Variants in PCDH7 observed in about 807,000 individuals in gnomAD.
PCDH7 encodes protocadherin 7.
In PCDH7, 17 loss-of-function variants were observed where a neutral mutation model predicts 58.9. The observed-to-expected ratio is 0.29, with a 90% CI of 0.20 to 0.43. The LOEUF is 0.43. Among genes scored for constraint, PCDH7 ranks in the 20% least tolerant of loss-of-function variants. The pLI, the probability that PCDH7 is intolerant of heterozygous loss-of-function variation, is 1.00. For synonymous variants in PCDH7, 664 were observed against 616.4 expected, an observed-to-expected ratio of 1.08 and a Z score of -1.14; for missense variants, 1,274 against 1,441.0, an observed-to-expected ratio of 0.88 and a Z score of 1.88.
chr4:30,845,541 G>T (rs983949990), intron 1 of PCDH7, among the ~76,000 whole-genome samples: 4 of 152,084 alleles, frequency 2.6e-5, no homozygotes, highest in Non-Finnish European at 4.4e-5. Context: ...TTTTAAGTTG[G>T]TGTAAATTTG....
At position 30,721,380 on chromosome 4, in the gene PCDH7, G is replaced by A; in HGVS notation, c.-43G>A. On this transcript the variant is annotated 5_prime_UTR_variant, in exon 1 of 2. Transcript: ENST00000361762. The surrounding 1 kb of genome is among the most constrained non-coding windows in gnomAD (Gnocchi z 6.7). The stretch of plus-strand genomic sequence containing the variant: ...GCCCCGGAGGAGGGGGGCGCCGAGG[G>A]GGCTGTGGTTAGAAGGAGCAGTAGC... 5 of 1,437,910 alleles carry A rather than the reference G, an allele frequency of 3.5e-6. No individual in the cohort carries two copies. The South Asian group carries it at 5.9e-5, about 17-fold the overall frequency. 89.1% of individuals were successfully genotyped at this position (1,437,910 alleles called of 1,614,324 possible). A position where few individuals can be genotyped will look rare whatever the true frequency, so the allele number is the denominator to read the frequency against.
chr4:30,979,068 A>G (rs1750320319), intron 3 of PCDH7, among the ~76,000 whole-genome samples: 1 of 151,948 alleles, frequency 6.6e-6, no homozygotes, highest in East Asian at 1.9e-4. Context: ...TGAATGAGTG[A>G]TCCTTAAAAA....
At chr4:30,893,849 A>T (rs778380652) in intron 1 of PCDH7, among the ~76,000 whole-genome samples, 1 of 152,124 alleles carries the variant, frequency 6.6e-6, no homozygotes, top group African/African-American at 2.4e-5. Context: ...ACAGGCCTGC[A>T]TGTATCATCT....
chr4:30,863,640 C>A (rs1224473717), intron 1 of PCDH7, among the ~76,000 whole-genome samples: 1 of 152,102 alleles, frequency 6.6e-6, no homozygotes, highest in Non-Finnish European at 1.5e-5. Context: ...AGAGGAAAGA[C>A]TCTCAAATGT....
chr4:30,728,759 A>C (rs567125674), intron 1 of PCDH7, among the ~76,000 whole-genome samples: 1 of 151,718 alleles, frequency 6.6e-6, no homozygotes, highest in African/African-American at 2.4e-5. Flanking sequence ...CATCTAGTAC[A>C]ATAAATATGG....
exon 2 of PCDH7, chr4:30,920,169 C>T (rs748162003): frequency 7.3e-6 from 10 of 1,367,436 alleles, no homozygotes; most frequent in Admixed American, 1.9e-5. Context: ...CGTAGAGTGA[C>T]GTTTTCTGTT....
At chr4:31,050,187 C>T (rs180849592) in intron 3 of PCDH7, among the ~76,000 whole-genome samples, 80 of 152,168 alleles carry the variant, frequency 5.3e-4, no homozygotes, top group African/African-American at 1.6e-3. Flanking sequence ...AGAAGAGTAC[C>T]CTCAGGCAGG....
chr4:31,049,411 G>T (rs184470681), intron 3 of PCDH7, among the ~76,000 whole-genome samples: 21 of 152,222 alleles, frequency 1.4e-4, no homozygotes, highest in African/African-American at 3.4e-4. Context: ...CTAGTTAGGA[G>T]AAACCAGGCA....
At position 30,853,742 on chromosome 4, in the gene PCDH7, A is replaced by G. The variant is rs901375284; in HGVS notation, c.71-66411A>G. Among the ~76,000 whole-genome samples, 6 of 152,194 alleles carry G rather than the reference A, an allele frequency of 3.9e-5. No homozygotes were observed. The East Asian group carries it at 5.8e-4, about 15-fold the overall frequency. ...AAATGATGATATATTTTGCTCTTCT[A>G]TTAGCATCCCTTTTTTTTCTGCTTA... On this transcript the variant is annotated intron_variant, in intron 1 of 3. Coordinates refer to the PCDH7 transcript ENST00000509759.
intron 1 of PCDH7, among the ~76,000 whole-genome samples, chr4:30,831,869 T>G (rs923071818): frequency 1.3e-5 from 2 of 152,172 alleles, no homozygotes; most frequent in Non-Finnish European, 2.9e-5. Flanking sequence ...CAAGTTTTTT[T>G]TCCTATGATG....
At chr4:31,014,875 A>AAGTT (rs1753485652) in intron 3 of PCDH7, among the ~76,000 whole-genome samples, 1 of 152,058 alleles carries the variant, frequency 6.6e-6, no homozygotes. Flanking sequence ...ATTTACCCCT[A>AAGTT]CCTGGCAAAT....
At chr4:30,772,432 C>A (rs1721537744) in intron 1 of PCDH7, among the ~76,000 whole-genome samples, 1 of 152,120 alleles carries the variant, frequency 6.6e-6, no homozygotes, top group Admixed American at 6.5e-5. Flanking sequence ...TTATCTTTTT[C>A]TTTTCTAGAG....
Position 30,721,349 on chromosome 4 carries a change from C to A in PCDH7, c.-74C>A. The A allele has an allele frequency of 1.5e-6, 2 of 1,366,088 alleles. No homozygotes were observed. The highest frequency in any genetic ancestry group is 1.9e-6 in the Non-Finnish European group (2 of 1,039,278). 84.6% of individuals were successfully genotyped at this position (1,366,088 alleles called of 1,614,324 possible). ...GGGAGAGGACTCGGGGGAGGGCAGGCGGCCGGCCCCGGAGGAGGGGGGCGC... is the reference window on the plus strand; with the variant it reads ...GGGAGAGGACTCGGGGGAGGGCAGGAGGCCGGCCCCGGAGGAGGGGGGCGC... On this transcript the variant is annotated 5_prime_UTR_variant, in exon 1 of 2. Transcript: ENST00000361762. This position sits in a 1 kb window ranked among gnomAD's most constrained non-coding sequence, Gnocchi z 6.7.
chr4:30,846,097 A>T (rs1731909228), intron 1 of PCDH7, among the ~76,000 whole-genome samples: 1 of 152,170 alleles, frequency 6.6e-6, no homozygotes, highest in African/African-American at 2.4e-5. Context: ...ACTTATAGTG[A>T]TAGCTATAAC....
chr4:30,776,967 T>C (rs1370197078), intron 1 of PCDH7, among the ~76,000 whole-genome samples: 2 of 152,036 alleles, frequency 1.3e-5, no homozygotes, highest in African/African-American at 4.8e-5. Flanking sequence ...ATCCCAGTAA[T>C]ATTCCCTACC....
chr4:31,067,564 A>C (rs1010348278), intron 3 of PCDH7, among the ~76,000 whole-genome samples: 2 of 151,882 alleles, frequency 1.3e-5, no homozygotes, highest in Non-Finnish European at 1.5e-5. Flanking sequence ...TAGCAGGAGG[A>C]ACACAAGGAG....
At chr4:31,004,281 C>T (rs1752591197) in intron 3 of PCDH7, among the ~76,000 whole-genome samples, 1 of 151,982 alleles carries the variant, frequency 6.6e-6, no homozygotes, top group Admixed American at 6.6e-5. Flanking sequence ...GAAACCGAGC[C>T]CCGGCCTGAA....
At chr4:30,888,108 T>A (rs1738088110) in intron 1 of PCDH7, among the ~76,000 whole-genome samples, 1 of 152,136 alleles carries the variant, frequency 6.6e-6, no homozygotes, top group Admixed American at 6.5e-5. Flanking sequence ...ACCCCTGACC[T>A]CATTATCTGC....
At chr4:31,136,180 A>C (rs1719573867) in intron 3 of PCDH7, among the ~76,000 whole-genome samples, 1 of 152,288 alleles carries the variant, frequency 6.6e-6, no homozygotes, top group East Asian at 1.9e-4. Flanking sequence ...AGAGGAAAAA[A>C]TCTCTACCTC....
Sources: gnomAD v4.1 joint callset for allele counts (sites outside exome capture counted in the v4.1 genomes callset) on GRCh38, gnomAD v4.1.1 for gene constraint, Gnocchi (gnomAD v3.1) non-coding constraint, MANE v1.5 for transcripts, NCBI Gene and HGNC (gene_info 2026-07-23, HGNC 2026-07-21) for gene names.